The following XYLT1 variants were observed in gnomAD, a reference collection of about 807,000 sequenced individuals.
XYLT1 encodes the protein beta-D-xylosyltransferase 1.
Under a neutral mutation model 91.3 loss-of-function variants are expected in XYLT1, and 36 were observed. The observed-to-expected ratio is 0.39, with a 90% CI of 0.30 to 0.52. The LOEUF (loss-of-function observed/expected upper bound fraction) is 0.52, where lower values mean the gene tolerates loss of function less well. Among genes scored for constraint, XYLT1 ranks in the 20% least tolerant of loss-of-function variants. XYLT1 has a pLI of 0.68. For missense variants in XYLT1, 1,242 were observed against 1,284.5 expected (o/e 0.97, Z 0.51); for synonymous variants, 588 against 532.0 (o/e 1.11, Z -1.45).
intron 10 of XYLT1, among the ~76,000 whole-genome samples, chr16:17,121,602 A>G (rs1214245155): frequency 6.6e-6 from 1 of 152,180 alleles, no homozygotes; most frequent in Admixed American, 6.5e-5. Context: ...ATATATTTCA[A>G]TAGGTTTTTG....
At chr16:17,407,467 A>G (rs1268611366) in intron 1 of XYLT1, among the ~76,000 whole-genome samples, 2 of 152,086 alleles carry the variant, frequency 1.3e-5, no homozygotes. Flanking sequence ...TAAATCCTCT[A>G]TATATTTTAT....
chr16:17,135,354 C>A (rs947744075), intron 8 of XYLT1, among the ~76,000 whole-genome samples: 1 of 152,068 alleles, frequency 6.6e-6, no homozygotes, highest in Non-Finnish European at 1.5e-5. Context: ...GGATCGGAAT[C>A]TCTGGGACTT....
At chr16:17,294,058 G>A (rs1178874186) in intron 2 of XYLT1, among the ~76,000 whole-genome samples, 2 of 152,172 alleles carry the variant, frequency 1.3e-5, no homozygotes, top group Non-Finnish European at 2.9e-5. Context: ...AAAATAAGGT[G>A]TTCCTGAGGC....
At chr16:17,190,849 C>T (rs936895602) in intron 5 of XYLT1, among the ~76,000 whole-genome samples, 9 of 151,912 alleles carry the variant, frequency 5.9e-5, no homozygotes, top group African/African-American at 2.2e-4. Context: ...TAAATTTCAC[C>T]TCAGTTTCAA....
chr16:17,329,992 C>T (rs192945347), intron 2 of XYLT1, among the ~76,000 whole-genome samples: 1 of 152,132 alleles, frequency 6.6e-6, no homozygotes, highest in East Asian at 1.9e-4. Context: ...TTGAATGAAC[C>T]AATGTGATGG....
At chr16:17,120,711 G>A (rs1221612754) in intron 10 of XYLT1, among the ~76,000 whole-genome samples, 1 of 152,082 alleles carries the variant, frequency 6.6e-6, no homozygotes, top group Admixed American at 6.5e-5. Flanking sequence ...GATCTAGACC[G>A]TCAACTCCAA....
rs1966854814 is a variant in XYLT1, at chr16:17,117,517, A to G, written c.2557+129T>C. ...GGGAAACACAGAGAAAAGTATTGAG[A>G]GCAAGGAGTGCTGTTCTGTGAGGCC... On this transcript the variant is annotated intron_variant, in intron 11 of 11. Transcript: ENST00000261381. The G allele has an allele frequency of 4.2e-6, 4 of 948,444 alleles. No individual in the cohort carries two copies. The East Asian group carries it at 1.1e-4, about 25-fold the overall frequency. 58.8% of individuals were successfully genotyped at this position (948,444 alleles called of 1,614,324 possible).
chr16:17,463,123 C>G (rs1054786854), intron 1 of XYLT1, among the ~76,000 whole-genome samples: 2 of 151,884 alleles, frequency 1.3e-5, no homozygotes, highest in East Asian at 3.9e-4. Context: ...GACTATGAGA[C>G]GACTAGAGAA....
At chr16:17,338,111 C>T (rs2035013309) in intron 2 of XYLT1, 1 of 444,044 alleles carries the variant, frequency 2.3e-6, no homozygotes, top group Non-Finnish European at 4.6e-6. Context: ...CCCCTCCTTT[C>T]CTTTCCCACT....
At chr16:17,296,681 A>T (rs2034316813) in intron 2 of XYLT1, among the ~76,000 whole-genome samples, 1 of 152,234 alleles carries the variant, frequency 6.6e-6, no homozygotes, top group Non-Finnish European at 1.5e-5. Context: ...TCCAGGGCTC[A>T]GCTGACCTCT....
chr16:17,384,152 A>C (rs1206661436), intron 1 of XYLT1, among the ~76,000 whole-genome samples: 2 of 151,852 alleles, frequency 1.3e-5, no homozygotes, highest in African/African-American at 4.8e-5. Context: ...ACCTGGGCTA[A>C]TAATGTATGT....
At chr16:17,166,126 G>A (rs1232005034) in intron 5 of XYLT1, among the ~76,000 whole-genome samples, 1 of 152,242 alleles carries the variant, frequency 6.6e-6, no homozygotes, top group Non-Finnish European at 1.5e-5. Flanking sequence ...CCAACCACCA[G>A]CGGACCCTGG....
intron 3 of XYLT1, among the ~76,000 whole-genome samples, chr16:17,229,048 C>A (rs889021702): frequency 6.6e-6 from 1 of 152,180 alleles, no homozygotes; most frequent in African/African-American, 2.4e-5. Flanking sequence ...CGGCTCACTG[C>A]AGCCTCCACC....
At chr16:17,272,817 C>G (rs547318046) in intron 2 of XYLT1, among the ~76,000 whole-genome samples, 1 of 152,188 alleles carries the variant, frequency 6.6e-6, no homozygotes, top group Admixed American at 6.5e-5. Context: ...CAGGCTCTTC[C>G]GGGAGGCCTT....
chr16:17,138,316 C>A, intron 8 of XYLT1, 39 bp downstream of exon 8: 1 of 1,586,460 alleles, frequency 6.3e-7, no homozygotes, highest in Non-Finnish European at 8.6e-7. Flanking sequence ...GTTGGGAAGG[C>A]ATCACTTAGG....
chr16:17,217,167 G>A (rs1440202888), intron 3 of XYLT1, among the ~76,000 whole-genome samples: 1 of 152,182 alleles, frequency 6.6e-6, no homozygotes, highest in East Asian at 1.9e-4. Context: ...GCTGGGCTCA[G>A]CCTCAGGCCG....
intron 2 of XYLT1, among the ~76,000 whole-genome samples, chr16:17,330,106 C>CACACACACACAA (rs539400689): frequency 7.3e-6 from 1 of 136,056 alleles, no homozygotes; most frequent in Admixed American, 7.0e-5. Context: ...GAGGTAGATA[C>CACACACACACAA]ACACACACAC....
chr16:17,118,921 C>T (rs2029951660), intron 10 of XYLT1, among the ~76,000 whole-genome samples: 1 of 152,166 alleles, frequency 6.6e-6, no homozygotes, highest in Non-Finnish European at 1.5e-5. Context: ...TCTTGCACAG[C>T]CAGCCCCTTA....
At chr16:17,225,175 A>ACT (rs1340850799) in intron 3 of XYLT1, among the ~76,000 whole-genome samples, 152 of 88,090 alleles carry the variant, frequency 1.7e-3, no homozygotes, top group South Asian at 0.011. Context: ...ACACACACAC[A>ACT]CACTCTCTCT....
Sources: gnomAD v4.1 joint callset for allele counts (sites outside exome capture counted in the v4.1 genomes callset) on GRCh38, gnomAD v4.1.1 for gene constraint, MANE v1.5 for transcripts, NCBI Gene and HGNC (gene_info 2026-07-23, HGNC 2026-07-21) for gene names.